MASTL: variants seen among roughly 807,000 people sequenced by gnomAD.
MASTL encodes microtubule associated serine/threonine kinase like, also known as serine/threonine-protein kinase greatwall.
In MASTL, 54 loss-of-function variants were observed where a neutral mutation model predicts 82.5. The ratio of observed to expected loss-of-function variants is 0.65; its 90% CI spans 0.53 to 0.82. The LOEUF (loss-of-function observed/expected upper bound fraction) is 0.82. Among genes scored for constraint, MASTL ranks in the 40% least tolerant of loss-of-function variants. MASTL has a pLI of 0.00. For missense variants in MASTL, 950 were observed against 1,047.8 expected (o/e 0.91, Z 1.29); for synonymous variants, 323 against 368.9 (o/e 0.88, Z 1.43).
At chr10:27,168,913 C>CTGTT (rs1216726024) in intron 7 of MASTL, among the ~76,000 whole-genome samples, 1 of 152,100 alleles carries the variant, frequency 6.6e-6, no homozygotes, top group African/African-American at 2.4e-5. Context: ...AAAATAAGCA[C>CTGTT]TATTAGAGTT....
intron 9 of MASTL, among the ~76,000 whole-genome samples, chr10:27,176,902 G>A (rs1342765882): frequency 2.0e-5 from 3 of 147,756 alleles, no homozygotes; most frequent in Non-Finnish European, 3.0e-5. Flanking sequence ...CTGGAGTGCA[G>A]TGGCGCAGTC....
chr10:27,165,165 G>A lies in MASTL; in HGVS notation c.655G>A (p.Gly219Arg). 6.2e-7 allele frequency: 1 copy of A among 1,607,166 alleles called. No individual in the cohort carries two copies. The highest frequency in any genetic ancestry group is 8.5e-7 in the Non-Finnish European group (1 of 1,173,922). Residue 219 changes from glycine to arginine, a missense_variant, in exon 5 of 12, where the codon GGA becomes AGA. By Grantham distance (125) the Gly-to-Arg change is moderately radical (BLOSUM62 -2). Transcript: ENST00000375940. ...AGTGTTATCGCTTATCAGCTCGTTG[G>A]GATTTGTAAGTACTTGAGAAGAAAA... Reference protein sequence around the residue: ...GQVLSLISSLGFNTPIAEKNQ... With the variant: ...GQVLSLISSLRFNTPIAEKNQ...
At chr10:27,180,839 G>C in intron 9 of MASTL, 114 bp from the exon 10 acceptor site, 1 of 757,400 alleles carries the variant, frequency 1.3e-6, no homozygotes, top group Non-Finnish European at 2.4e-6. Flanking sequence ...GCTTCCCCCT[G>C]GTCCTACCAG....
chr10:27,164,354 G>T (rs1158215225), intron 4 of MASTL, among the ~76,000 whole-genome samples: 1 of 152,144 alleles, frequency 6.6e-6, no homozygotes, highest in Non-Finnish European at 1.5e-5. Context: ...GCCCAAGCTG[G>T]TTTCAAACTC....
At chr10:27,165,608 T>C in intron 6 of MASTL, 69 bp downstream of exon 6, 1 of 1,519,768 alleles carries the variant, frequency 6.6e-7, no homozygotes, top group Non-Finnish European at 9.1e-7. Flanking sequence ...ATTGGGAGGC[T>C]GAGGCAGGAT....
intron 11 of MASTL, 73 bp from the exon 12 acceptor site, chr10:27,186,306 T>C: frequency 7.1e-7 from 1 of 1,407,698 alleles, no homozygotes; most frequent in African/African-American, 1.4e-5. Flanking sequence ...ATTCTCTTTT[T>C]ATAATAATTC....
At position 27,165,568 on chromosome 10, in the gene MASTL, C is replaced by G. The variant is rs367928456; in HGVS notation, c.811+29C>G. On this transcript the variant is annotated intron_variant, in intron 6 of 11. Transcript: ENST00000375940. ...AGTATAAAAGAAAAGGTAGGCCAGG[C>G]GCAGAGGCTTACACCTGTAATACTA... is the stretch of plus-strand genomic sequence containing the variant. 2.5e-6 allele frequency: 4 copies of G among 1,610,130 alleles called. No individual in the cohort carries two copies. The African/African-American group carries it at 4.0e-5, about 16-fold the overall frequency.
In MASTL at chr10:27,159,141, G is replaced by C. The variant is rs954325289; in HGVS notation, c.324+455G>C. On this transcript the variant is annotated intron_variant, in intron 2 of 11. Coordinates refer to ENST00000375940, the MANE Select transcript of MASTL (RefSeq NM_001172303.3). The surrounding 1 kb of genome is among the most constrained non-coding windows in gnomAD (Gnocchi z 4.0). ...CCAGCCTGAGATAGAGTCTCCCTCT[G>C]TTGCCCAGGCTAGACTGCAGTGGTG... is the stretch of plus-strand genomic sequence containing the variant. Among the ~76,000 whole-genome samples, 1 of 152,228 alleles carries C rather than the reference G, an allele frequency of 6.6e-6. No individual in the cohort carries two copies. Among genetic ancestry groups the C allele is most frequent in the African/African-American group, 2.4e-5 (1 of 41,452 alleles).
intron 9 of MASTL, among the ~76,000 whole-genome samples, chr10:27,178,264 C>T (rs1353741446): frequency 2.0e-5 from 3 of 151,952 alleles, no homozygotes; most frequent in African/African-American, 7.3e-5. Flanking sequence ...GGTGTGGTGG[C>T]TTATACCTGT....
At chr10:27,168,555 G>C (rs761667039) in intron 7 of MASTL, among the ~76,000 whole-genome samples, 2 of 152,152 alleles carry the variant, frequency 1.3e-5, no homozygotes, top group Non-Finnish European at 2.9e-5. Context: ...GGTGGCTCAC[G>C]CCTGTAATCC....
chr10:27,186,789 A>C lies in MASTL; in HGVS notation c.*253A>C, dbSNP rs981101368. The C allele has an allele frequency of 1.1e-5, 5 of 466,208 alleles. No homozygotes were observed. In the East Asian group the frequency reaches 2.1e-4, roughly 19 times the overall value. The allele number at this position is 466,208 out of a possible 1,614,324, so 28.9% of individuals were successfully genotyped here. ...TTATTTATTTTGTTTATTGCACTTT[A>C]TGAAAACTGAAGCATCAATAAAATT... is the stretch of plus-strand genomic sequence containing the variant. On this transcript the variant is annotated 3_prime_UTR_variant, in exon 12 of 12. Transcript: ENST00000375940.
chr10:27,181,211 C>T (rs1366514958), intron 10 of MASTL, 145 bp downstream of exon 10: 6 of 657,810 alleles, frequency 9.1e-6, no homozygotes, highest in Non-Finnish European at 1.6e-5. Flanking sequence ...ATGGTAAAAC[C>T]CCATCTCTAC....
chr10:27,155,403 G>A lies in MASTL; in HGVS notation c.-24G>A. On this transcript the variant is annotated 5_prime_UTR_variant, in exon 1 of 12. Transcript: ENST00000375940. Reference sequence around the variant, plus strand: ...CTGCTCGCGGAGGGGCAGTGTCTGCGGGGCCGCTGTATGCTGTCCAGCGAT... The same window carrying A: ...CTGCTCGCGGAGGGGCAGTGTCTGCAGGGCCGCTGTATGCTGTCCAGCGAT... 1 of 1,584,668 alleles carries A rather than the reference G, an allele frequency of 6.3e-7. No homozygotes were observed.
At position 27,173,258 on chromosome 10, in the gene MASTL, T is replaced by C; in HGVS notation, c.2265T>C (p.His755=). Residue 755 remains histidine, a splice_region_variant and synonymous_variant, in exon 9 of 12, where the codon CAT becomes CAC. Transcript: ENST00000375940. ...CTGAGCTGTTACTAGGCAGGGCCCA[T>C]GGTAAGGCATGCATGTCTTGAGTTT... ...LAPELLLGRA[H]GPAVDWWALG... 6.2e-7 allele frequency: 1 copy of C among 1,614,114 alleles called. No individual in the cohort carries two copies. Among genetic ancestry groups the C allele is most frequent in the Non-Finnish European group, 8.5e-7 (1 of 1,180,006 alleles).
rs780295332 is a variant in MASTL at position 27,165,496 on chromosome 10, T to C, written c.768T>C (p.Asp256=). 1 of 1,614,108 alleles carries C rather than the reference T, an allele frequency of 6.2e-7. No homozygotes were observed. The highest frequency in any genetic ancestry group is 1.1e-5 in the South Asian group (1 of 91,076). Residue 256 remains aspartate, a synonymous_variant, in exon 6 of 12, where the codon GAT becomes GAC. Transcript: ENST00000375940. The part of the protein sequence containing the change: ...SQGLVCPMSV[D]QKDTTPYSSK... ...GACTCGTATGCCCTATGTCTGTAGA[T>C]CAAAAGGACACTACGCCTTATTCTA...
chr10:27,183,340 G>T (rs2058437043), intron 11 of MASTL, among the ~76,000 whole-genome samples: 1 of 152,150 alleles, frequency 6.6e-6, no homozygotes, highest in African/African-American at 2.4e-5. Flanking sequence ...AGTGCATGCA[G>T]TGGTGTGATC....
Position 27,186,526 on chromosome 10 carries a change from T to A in MASTL, c.2630T>A (p.Phe877Tyr). 1 of 1,614,060 alleles carries A rather than the reference T, an allele frequency of 6.2e-7. No individual in the cohort carries two copies. Among genetic ancestry groups the A allele is most frequent in the Non-Finnish European group, 8.5e-7 (1 of 1,179,954 alleles). Residue 877 changes from phenylalanine to tyrosine, a missense_variant, in exon 12 of 12, where the codon TTT becomes TAT. By Grantham distance (22) the Phe-to-Tyr change is conservative (BLOSUM62 3). Transcript: ENST00000375940. ...NTAQHLTVSG[F>Y]SL Reference sequence around the variant, plus strand: ...GCTCAGCACCTGACTGTATCTGGATTTAGTCTGTAGCACAAAAATTTTCCT... The same window carrying A: ...GCTCAGCACCTGACTGTATCTGGATATAGTCTGTAGCACAAAAATTTTCCT...
At chr10:27,171,196 G>C in intron 8 of MASTL, 113 bp downstream of exon 8, 1 of 913,164 alleles carries the variant, frequency 1.1e-6, no homozygotes, top group Non-Finnish European at 1.7e-6. Context: ...TGTTCTTCTT[G>C]TTGAGAATCT....
At chr10:27,161,028 C>T in intron 3 of MASTL, 66 bp from the exon 4 acceptor site, 2 of 1,044,054 alleles carry the variant, frequency 1.9e-6, no homozygotes, top group South Asian at 1.3e-5. Flanking sequence ...CTCTTTTTTT[C>T]TGGAAATTCT....
Sources: allele counts gnomAD v4.1 joint callset (sites outside exome capture counted in the v4.1 genomes callset), GRCh38; gene constraint gnomAD v4.1.1; non-coding constraint Gnocchi (gnomAD v3.1); transcripts MANE v1.5; gene names NCBI Gene and HGNC (gene_info 2026-07-23, HGNC 2026-07-21).